Variants in TPR observed in about 807,000 individuals in gnomAD.
TPR encodes the protein nucleoprotein TPR.
In TPR, 51 loss-of-function variants were observed where a neutral mutation model predicts 316.1. The observed-to-expected ratio is 0.16, with a 90% CI of 0.13 to 0.20. The LOEUF is 0.20. Among genes scored for constraint, TPR ranks in the 10% least tolerant of loss-of-function variants. The pLI is 1.00. For synonymous variants in TPR, 981 were observed against 914.7 expected, an observed-to-expected ratio of 1.07 and a Z score of -1.31; for missense variants, 2,272 against 2,754.8, an observed-to-expected ratio of 0.82 and a Z score of 3.92.
intron 3 of TPR, among the ~76,000 whole-genome samples, chr1:186,369,695 T>C (rs972111887): frequency 6.6e-6 from 1 of 152,156 alleles, no homozygotes; most frequent in Non-Finnish European, 1.5e-5. Context: ...GTAAAGATAA[T>C]TTTATTTCTT....
chr1:186,354,623 G>A (rs1658969141), intron 17 of TPR, among the ~76,000 whole-genome samples: 1 of 152,020 alleles, frequency 6.6e-6, no homozygotes, highest in Non-Finnish European at 1.5e-5. Context: ...AATAAATATT[G>A]TCCTAACAAA....
chr1:186,341,971 A>T (rs75951287), intron 27 of TPR: 1 of 146,530 alleles, frequency 6.8e-6, no homozygotes, highest in Non-Finnish European at 1.5e-5. Context: ...TTACTATTAT[A>T]ATTTTTTTTT....
rs571881437 is a variant in TPR, at chr1:186,351,881, T to G, written c.2469+95A>C. ...TGATCATAATGGATGACAAAAGTGATGGATAAATTTTCTAATTAAGGAAAT... is the reference window on the plus strand; with the variant it reads ...TGATCATAATGGATGACAAAAGTGAGGGATAAATTTTCTAATTAAGGAAAT... On this transcript the variant is annotated intron_variant, in intron 19 of 50. Coordinates refer to ENST00000367478, the MANE Select transcript of TPR (RefSeq NM_003292.3). 3.3e-4 allele frequency: 460 copies of G among 1,384,122 alleles called. 6 individuals carry two copies. In the East Asian group the frequency reaches 0.011, roughly 33 times the overall value. 85.7% of individuals were successfully genotyped at this position (1,384,122 alleles called of 1,614,324 possible).
At chr1:186,333,818 T>C (rs1406875269) in intron 36 of TPR, among the ~76,000 whole-genome samples, 2 of 152,188 alleles carry the variant, frequency 1.3e-5, no homozygotes, top group African/African-American at 4.8e-5. Flanking sequence ...AATACTTGAA[T>C]AATTTACTGA....
intron 17 of TPR, 135 bp from the exon 18 acceptor site, chr1:186,353,985 T>C (rs926513010): frequency 8.8e-6 from 6 of 679,564 alleles, no homozygotes; most frequent in African/African-American, 5.5e-5. Context: ...TGTAACATCA[T>C]ACATATTTCT....
At chr1:186,350,498 G>A in intron 20 of TPR, 110 bp from the exon 21 acceptor site, 1 of 799,464 alleles carries the variant, frequency 1.3e-6, no homozygotes, top group Non-Finnish European at 1.8e-6. Context: ...ACAGAAAACA[G>A]ATTTACCGTC....
At chr1:186,349,605 A>G (rs1267575990) in intron 21 of TPR, among the ~76,000 whole-genome samples, 1 of 151,704 alleles carries the variant, frequency 6.6e-6, no homozygotes, top group Non-Finnish European at 1.5e-5. Context: ...GCTTGCAGTG[A>G]GCCGAGATCG....
At chr1:186,340,694 G>A (rs1000791504) in intron 29 of TPR, among the ~76,000 whole-genome samples, 3 of 152,070 alleles carry the variant, frequency 2.0e-5, no homozygotes, top group Non-Finnish European at 4.4e-5. Flanking sequence ...GCTTCCGAAA[G>A]TGCTGGGATT....
chr1:186,322,802 A>G (rs1033077752), intron 43 of TPR: 1 of 530,606 alleles, frequency 1.9e-6, no homozygotes, highest in East Asian at 3.1e-5. Context: ...AAATCATTCT[A>G]TTAACCAACA....
At chr1:186,348,477 TG>T (rs1396358735) in intron 21 of TPR, among the ~76,000 whole-genome samples, 1 of 152,210 alleles carries the variant, frequency 6.6e-6, no homozygotes, top group East Asian at 1.9e-4. Context: ...TCAGTGGTTC[TG>T]CTTTTGCCCT....
At chr1:186,335,276 C>T in intron 34 of TPR, 62 bp downstream of exon 34, 1 of 1,586,872 alleles carries the variant, frequency 6.3e-7, no homozygotes, top group South Asian at 1.1e-5. Context: ...TATCACCAAG[C>T]ACTTTCAAGT....
At chr1:186,320,512 A>T in intron 45 of TPR, 94 bp from the exon 46 acceptor site, 2 of 994,272 alleles carry the variant, frequency 2.0e-6, no homozygotes, top group Non-Finnish European at 2.9e-6. Flanking sequence ...AAGAATGAAC[A>T]TCAACAAACT....
At chr1:186,323,080 T>C (rs1388841925) in intron 43 of TPR, among the ~76,000 whole-genome samples, 1 of 152,182 alleles carries the variant, frequency 6.6e-6, no homozygotes. Context: ...GTAGAATCTA[T>C]ATTTGACAGT....
rs1658676092 is a variant in TPR at position 186,346,351 on chromosome 1, T to G, written c.2944-64A>C. On this transcript the variant is annotated intron_variant, in intron 22 of 50. Transcript: ENST00000367478. The stretch of plus-strand genomic sequence containing the variant: ...CACATTTAAAGTCATACAATTATTT[T>G]CTCCAAATCAAAACTAATTTGAGAA... The G allele has an allele frequency of 4.1e-6, 6 of 1,456,510 alleles. No individual in the cohort carries two copies. The East Asian group carries it at 1.2e-4, about 28-fold the overall frequency. 90.2% of individuals were successfully genotyped at this position (1,456,510 alleles called of 1,614,324 possible). A position where few individuals can be genotyped will look rare whatever the true frequency, so the allele number is the denominator to read the frequency against.
chr1:186,353,189 A>G (rs867516565), intron 18 of TPR, among the ~76,000 whole-genome samples: 4 of 152,020 alleles, frequency 2.6e-5, no homozygotes, highest in East Asian at 1.9e-4. Context: ...TGGCTAACAC[A>G]GTGAAACCCC....
chr1:186,329,156 T>C (rs889039880), intron 39 of TPR, among the ~76,000 whole-genome samples: 7 of 152,222 alleles, frequency 4.6e-5, no homozygotes, highest in Non-Finnish European at 8.8e-5. Flanking sequence ...ATCCAAATGG[T>C]ATTTTGGAGT....
intron 20 of TPR, among the ~76,000 whole-genome samples, chr1:186,350,820 G>A (rs935638428): frequency 1.2e-4 from 18 of 152,100 alleles, no homozygotes; most frequent in African/African-American, 3.4e-4. Flanking sequence ...AGTAGCGATC[G>A]CTGCAAATAT....
At chr1:186,366,908 C>T (rs2101989726) in intron 4 of TPR, among the ~76,000 whole-genome samples, 1 of 151,678 alleles carries the variant, frequency 6.6e-6, no homozygotes, top group South Asian at 2.1e-4. Flanking sequence ...GATCAACACA[C>T]TCAAGTATTT....
intron 17 of TPR, 113 bp downstream of exon 17, chr1:186,355,297 A>C: frequency 9.0e-7 from 1 of 1,112,736 alleles, no homozygotes; most frequent in Non-Finnish European, 1.3e-6. Context: ...TCATTCTGGA[A>C]CACAGTTCAC....
Sources: allele counts gnomAD v4.1 joint callset (sites outside exome capture counted in the v4.1 genomes callset), GRCh38; gene constraint gnomAD v4.1.1; transcripts MANE v1.5; gene names NCBI Gene and HGNC (gene_info 2026-07-23, HGNC 2026-07-21).